Variants in TBC1D30 observed in about 807,000 individuals in gnomAD.
The protein encoded by TBC1D30 is TBC1 domain family member 30.
TBC1D30 carries 31 observed loss-of-function variants against 63.2 expected under a neutral mutation model. The observed-to-expected ratio is 0.49, with a 90% CI of 0.37 to 0.66. The LOEUF (loss-of-function observed/expected upper bound fraction) is 0.66. Among genes scored for constraint, TBC1D30 ranks in the 30% least tolerant of loss-of-function variants. The pLI, the probability that TBC1D30 is intolerant of heterozygous loss-of-function variation, is 0.00. For synonymous variants in TBC1D30, 307 were observed against 361.5 expected (o/e 0.85, Z 1.71); for missense variants, 810 against 953.6 (o/e 0.85, Z 1.98).
chr12:64,864,326 G>A (rs1458657663), intron 8 of TBC1D30, among the ~76,000 whole-genome samples: 1 of 152,346 alleles, frequency 6.6e-6, no homozygotes, highest in South Asian at 2.1e-4. Flanking sequence ...ACATTTGTGA[G>A]TTCTTTGATA....
At chr12:64,793,504 A>G (rs955849285) in intron 2 of TBC1D30, among the ~76,000 whole-genome samples, 1 of 151,488 alleles carries the variant, frequency 6.6e-6, no homozygotes, top group African/African-American at 2.4e-5. Flanking sequence ...AAAAAAAAAA[A>G]AAAGAATTAG....
chr12:64,764,934 T>C (rs542436153), intron 1 of TBC1D30, among the ~76,000 whole-genome samples: 1 of 152,260 alleles, frequency 6.6e-6, no homozygotes, highest in African/African-American at 2.4e-5. Context: ...CAGCCAGCCA[T>C]AGGGGAAAGT....
chr12:64,840,366 C>T (rs964516906), intron 7 of TBC1D30, among the ~76,000 whole-genome samples: 5 of 152,020 alleles, frequency 3.3e-5, no homozygotes, highest in African/African-American at 9.7e-5. Context: ...GTTATAATTG[C>T]CTTTGTGTTG....
intron 3 of TBC1D30, among the ~76,000 whole-genome samples, chr12:64,829,212 A>G (rs1874628712): frequency 6.6e-6 from 1 of 152,102 alleles, no homozygotes; most frequent in Non-Finnish European, 1.5e-5. Flanking sequence ...TCTGACTTTT[A>G]TTATGAACGG....
At chr12:64,837,830 GT>G (rs1875502976) in intron 6 of TBC1D30, among the ~76,000 whole-genome samples, 1 of 152,156 alleles carries the variant, frequency 6.6e-6, no homozygotes, top group Admixed American at 6.5e-5. Context: ...TGAGCTACAT[GT>G]TTTTACCCAA....
At chr12:64,810,571 C>T (rs1043112287) in intron 2 of TBC1D30, among the ~76,000 whole-genome samples, 2 of 152,090 alleles carry the variant, frequency 1.3e-5, no homozygotes, top group Non-Finnish European at 1.5e-5. Flanking sequence ...CCACTGCACT[C>T]CAGCCTGGGC....
chr12:64,844,551 C>T (rs905036102), intron 8 of TBC1D30, among the ~76,000 whole-genome samples: 2 of 152,190 alleles, frequency 1.3e-5, no homozygotes, highest in African/African-American at 4.8e-5. Context: ...AAATTTATTT[C>T]TAAATGTACA....
intron 5 of TBC1D30, among the ~76,000 whole-genome samples, 188 bp from the exon 6 acceptor site, chr12:64,836,302 T>C (rs1360653592): frequency 6.6e-6 from 1 of 152,204 alleles, no homozygotes; most frequent in Non-Finnish European, 1.5e-5. Flanking sequence ...TAGATGATTA[T>C]GCCACATGCT....
At chr12:64,851,267 T>C (rs1489673914) in intron 8 of TBC1D30, among the ~76,000 whole-genome samples, 1 of 152,150 alleles carries the variant, frequency 6.6e-6, no homozygotes, top group Non-Finnish European at 1.5e-5. Context: ...CATGTCTCTA[T>C]CTCCTTCAGT....
intron 2 of TBC1D30, among the ~76,000 whole-genome samples, chr12:64,819,124 G>T (rs1258084104): frequency 6.6e-6 from 1 of 152,164 alleles, no homozygotes; most frequent in East Asian, 1.9e-4. Context: ...ATGCTTGATA[G>T]AGTCCTTTCT....
intron 7 of TBC1D30, 80 bp downstream of exon 7, chr12:64,838,931 T>A: frequency 7.8e-7 from 1 of 1,279,284 alleles, no homozygotes; most frequent in Non-Finnish European, 1.1e-6. Context: ...TGTAAAGCAA[T>A]ATTTAAGTGA....
chr12:64,784,383 G>A (rs1012296511), intron 1 of TBC1D30, among the ~76,000 whole-genome samples: 1 of 151,950 alleles, frequency 6.6e-6, no homozygotes, highest in Non-Finnish European at 1.5e-5. Context: ...CCCTGCATTT[G>A]TTTGTTACAG....
At chr12:64,794,015 C>T (rs1279038427) in intron 2 of TBC1D30, among the ~76,000 whole-genome samples, 3 of 152,174 alleles carry the variant, frequency 2.0e-5, no homozygotes, top group East Asian at 1.9e-4. Context: ...TAACTGTGCA[C>T]GGGTGAAAAT....
At chr12:64,820,224 C>T (rs1873808540), upstream of TBC1D30, among the ~76,000 whole-genome samples, 1 of 152,182 alleles carries the variant, frequency 6.6e-6, no homozygotes, top group Non-Finnish European at 1.5e-5. Context: ...TTCTGGAAGC[C>T]CCTTGGGACA....
At chr12:64,841,111 T>C (rs1192980597) in intron 7 of TBC1D30, among the ~76,000 whole-genome samples, 2 of 152,196 alleles carry the variant, frequency 1.3e-5, no homozygotes, top group Non-Finnish European at 2.9e-5. Context: ...ATATGGAACT[T>C]TCTGATTCTA....
chr12:64,869,394 G>A (rs1878476110), intron 10 of TBC1D30, among the ~76,000 whole-genome samples: 1 of 152,004 alleles, frequency 6.6e-6, no homozygotes, highest in Admixed American at 6.6e-5. Flanking sequence ...TTAATGGCTG[G>A]GCTCATACTG....
intron 1 of TBC1D30, among the ~76,000 whole-genome samples, chr12:64,773,798 C>T (rs1348028464): frequency 1.3e-5 from 2 of 152,162 alleles, no homozygotes; most frequent in Non-Finnish European, 2.9e-5. Context: ...GGTCAGCAAC[C>T]TCAAAGATTG....
intron 11 of TBC1D30, among the ~76,000 whole-genome samples, chr12:64,871,829 G>C (rs987850163): frequency 3.9e-5 from 6 of 152,178 alleles, no homozygotes; most frequent in Non-Finnish European, 7.4e-5. Context: ...TGAGTGGTCA[G>C]GCCAGGGCTA....
At chr12:64,789,785 T>C (rs540807250) in intron 2 of TBC1D30, among the ~76,000 whole-genome samples, 7 of 152,306 alleles carry the variant, frequency 4.6e-5, no homozygotes, top group South Asian at 2.1e-4. Context: ...TACTTTTTTT[T>C]CCCCTATATT....
Sources: allele counts gnomAD v4.1 joint callset (sites outside exome capture counted in the v4.1 genomes callset), GRCh38; gene constraint gnomAD v4.1.1; transcripts MANE v1.5; gene names NCBI Gene and HGNC (gene_info 2026-07-23, HGNC 2026-07-21).